Variants in ADAM23 observed in about 807,000 individuals in gnomAD.
ADAM23 encodes ADAM metallopeptidase domain 23, also known as disintegrin and metalloproteinase domain-containing protein 23.
Under a neutral mutation model 120.1 loss-of-function variants are expected in ADAM23, and 33 were observed. That is an observed-to-expected ratio of 0.27 (90% CI 0.21 to 0.37). The LOEUF (loss-of-function observed/expected upper bound fraction) is 0.37. Among genes scored for constraint, ADAM23 ranks in the 10% least tolerant of loss-of-function variants. ADAM23 has a pLI of 1.00. For synonymous variants in ADAM23, 367 were observed against 375.2 expected (o/e 0.98, Z 0.25); for missense variants, 862 against 1,058.2 (o/e 0.81, Z 2.57).
chr2:206,617,548 G>T, intron 25 of ADAM23, 31 bp from the exon 26 acceptor site: 1 of 1,583,164 alleles, frequency 6.3e-7, no homozygotes, highest in Non-Finnish European at 8.6e-7. Context: ...TTCCCCCTCT[G>T]CTTGCATCTT....
At chr2:206,471,198 T>C (rs554333686) in intron 2 of ADAM23, among the ~76,000 whole-genome samples, 4 of 152,340 alleles carry the variant, frequency 2.6e-5, no homozygotes. Flanking sequence ...AGGTTAATAT[T>C]TGAATCTACT....
intron 3 of ADAM23, among the ~76,000 whole-genome samples, chr2:206,510,466 C>G (rs1004436377): frequency 1.3e-5 from 2 of 151,752 alleles, no homozygotes; most frequent in African/African-American, 2.4e-5. Flanking sequence ...TTTTACATTG[C>G]CAAGATTTAT....
At chr2:206,449,626 C>T (rs955868734) in intron 2 of ADAM23, among the ~76,000 whole-genome samples, 3 of 152,112 alleles carry the variant, frequency 2.0e-5, no homozygotes, top group Non-Finnish European at 2.9e-5. Context: ...AAAAATTAGC[C>T]GGGCGCAGTG....
intron 3 of ADAM23, among the ~76,000 whole-genome samples, chr2:206,495,891 A>G (rs1053049445): frequency 6.6e-6 from 1 of 152,192 alleles, no homozygotes; most frequent in African/African-American, 2.4e-5. Flanking sequence ...ACAAAGATCA[A>G]AAGAGACAAA....
chr2:206,548,562 ACGGTAGT>A (rs1697447805), intron 8 of ADAM23, among the ~76,000 whole-genome samples: 2 of 152,206 alleles, frequency 1.3e-5, no homozygotes, highest in African/African-American at 4.8e-5. Flanking sequence ...CAAACTGATT[ACGGTAGT>A]CTCTGAACCC....
At chr2:206,549,330 A>G (rs972859809) in intron 8 of ADAM23, among the ~76,000 whole-genome samples, 6 of 151,628 alleles carry the variant, frequency 4.0e-5, no homozygotes, top group African/African-American at 1.4e-4. Flanking sequence ...GGTTGGTAAT[A>G]ATATGTTTTA....
chr2:206,587,246 C>A, intron 18 of ADAM23, 79 bp from the exon 19 acceptor site: 2 of 1,004,750 alleles, frequency 2.0e-6, no homozygotes, highest in Non-Finnish European at 3.0e-6. Flanking sequence ...ATCCACCATG[C>A]TTGCATTATA....
Position 206,444,066 on chromosome 2 carries a change from C to A in ADAM23, c.200C>A (p.Ala67Asp). ...TCGTCCCGGCCCCGCGCCTGGGGGG[C>A]TGCTGCGCCCAGCGGTGGGTATGGC... is the stretch of plus-strand genomic sequence containing the variant. ...AASSRPRAWG[A>D]AAPSAPHWNE... Residue 67 changes from alanine to aspartate, a missense_variant, in exon 1 of 26, where the codon GCT (alanine) becomes GAT (aspartate). By Grantham distance (126) the Ala-to-Asp change is moderately radical. Transcript: ENST00000264377. The A allele has an allele frequency of 7.3e-7, 1 of 1,373,326 alleles. No individual in the cohort carries two copies. The highest frequency in any genetic ancestry group is 9.4e-7 in the Non-Finnish European group (1 of 1,061,698). The allele number at this position is 1,373,326 out of a possible 1,614,324, so 85.1% of individuals were successfully genotyped here. A position where few individuals can be genotyped will look rare whatever the true frequency, so the allele number is the denominator to read the frequency against.
At chr2:206,484,230 A>G (rs1695957503) in intron 3 of ADAM23, among the ~76,000 whole-genome samples, 2 of 152,202 alleles carry the variant, frequency 1.3e-5, no homozygotes, top group South Asian at 4.1e-4. Context: ...GAAGAAACAC[A>G]TTTCTGAAGT....
At chr2:206,520,208 T>G (rs990223098) in intron 3 of ADAM23, among the ~76,000 whole-genome samples, 7 of 152,128 alleles carry the variant, frequency 4.6e-5, no homozygotes. Context: ...GGGGATTTGC[T>G]CTACAGAGGC....
chr2:206,550,547 AACATATAAAATAAAGGTTTATCT>A (rs1315436728), intron 9 of ADAM23, among the ~76,000 whole-genome samples: 2 of 151,814 alleles, frequency 1.3e-5, no homozygotes, highest in African/African-American at 4.8e-5. Flanking sequence ...GTAGGAGGCA[AACATATAAAATAAAGGTTTATCT>A]AAAGTGAATA....
At chr2:206,565,198 G>C (rs2105825983) in intron 14 of ADAM23, 130 bp downstream of exon 14, 1 of 742,774 alleles carries the variant, frequency 1.3e-6, no homozygotes, top group South Asian at 2.4e-5. Context: ...TTAATTGTCT[G>C]ATATTTTTAA....
intron 3 of ADAM23, among the ~76,000 whole-genome samples, chr2:206,493,095 T>G (rs1696165682): frequency 6.6e-6 from 1 of 152,160 alleles, no homozygotes; most frequent in South Asian, 2.1e-4. Context: ...CTCTTGATGG[T>G]CATCTGTTGC....
At position 206,617,776 on chromosome 2, in the gene ADAM23, TAAAAG is replaced by T; in HGVS notation, c.*154_*158del. ...TAAAGTTGGGGTGACAAGGATGGGG[TAAAAG>T]AAAACTGTCTCTTTTGGAAATAATG... On this transcript the variant is annotated 3_prime_UTR_variant, in exon 26 of 26. Transcript: ENST00000264377. 1 of 1,446,450 alleles carries T rather than the reference TAAAAG, an allele frequency of 6.9e-7. No individual in the cohort carries two copies. The allele number at this position is 1,446,450 out of a possible 1,614,324, so 89.6% of individuals were successfully genotyped here. A position where few individuals can be genotyped will look rare whatever the true frequency, so the allele number is the denominator to read the frequency against.
chr2:206,473,087 C>G (rs1215553959), intron 2 of ADAM23, among the ~76,000 whole-genome samples: 2 of 152,078 alleles, frequency 1.3e-5, no homozygotes, highest in East Asian at 3.9e-4. Flanking sequence ...ACTTGTCATT[C>G]TTGTAAAATG....
chr2:206,550,595 T>A (rs912581044), intron 9 of ADAM23, among the ~76,000 whole-genome samples: 1 of 151,508 alleles, frequency 6.6e-6, no homozygotes, highest in Non-Finnish European at 1.5e-5. Flanking sequence ...TGATGACTTA[T>A]CGTCTTTTTT....
intron 25 of ADAM23, among the ~76,000 whole-genome samples, chr2:206,613,575 A>C (rs1317999889): frequency 1.3e-5 from 2 of 152,102 alleles, no homozygotes; most frequent in Non-Finnish European, 2.9e-5. Context: ...CACAAGAATA[A>C]AGTTATGAGC....
chr2:206,503,180 A>T (rs1440380346), intron 3 of ADAM23, among the ~76,000 whole-genome samples: 1 of 152,168 alleles, frequency 6.6e-6, no homozygotes, highest in Non-Finnish European at 1.5e-5. Flanking sequence ...GAAGGGCTGC[A>T]CTGATCTCCT....
chr2:206,532,159 A>G (rs1237717693), intron 4 of ADAM23, among the ~76,000 whole-genome samples: 1 of 152,140 alleles, frequency 6.6e-6, no homozygotes, highest in Non-Finnish European at 1.5e-5. Context: ...TGGCATTTGT[A>G]CAAACTGAAG....
Sources: allele counts gnomAD v4.1 joint callset (sites outside exome capture counted in the v4.1 genomes callset), GRCh38; gene constraint gnomAD v4.1.1; transcripts MANE v1.5; gene names NCBI Gene and HGNC (gene_info 2026-07-23, HGNC 2026-07-21).